IL1R1: variants seen among roughly 807,000 people sequenced by gnomAD.
IL1R1 encodes interleukin-1 receptor type 1.
Under a neutral mutation model 50.2 loss-of-function variants are expected in IL1R1, and 22 were observed. The ratio of observed to expected loss-of-function variants is 0.44; its 90% CI spans 0.31 to 0.63. The LOEUF (loss-of-function observed/expected upper bound fraction) is 0.63, where lower values mean the gene tolerates loss of function less well. Ranked by LOEUF, IL1R1 falls within the 20% of genes least tolerant of loss-of-function variation. The pLI is 0.07. For synonymous variants in IL1R1, 251 were observed against 236.7 expected, an observed-to-expected ratio of 1.06 and a Z score of -0.55; for missense variants, 509 against 676.2, an observed-to-expected ratio of 0.75 and a Z score of 2.74.
chr2:102,137,062 G>A (rs950107277), intron 1 of IL1R1, among the ~76,000 whole-genome samples: 3 of 152,140 alleles, frequency 2.0e-5, no homozygotes, highest in African/African-American at 7.2e-5. Context: ...CCATCTCATA[G>A]CTCTCAGCTT....
At chr2:102,091,287 C>A (rs1679656018) in intron 1 of IL1R1, among the ~76,000 whole-genome samples, 1 of 152,148 alleles carries the variant, frequency 6.6e-6, no homozygotes, top group South Asian at 2.1e-4. Context: ...TTAACAGCAT[C>A]TTGGATAGCC....
chr2:102,127,677 G>A (rs1681797722), intron 1 of IL1R1, among the ~76,000 whole-genome samples: 3 of 151,708 alleles, frequency 2.0e-5, no homozygotes, highest in Non-Finnish European at 4.4e-5. Context: ...GTGTGTGTGT[G>A]TGTGTGTGTG....
chr2:102,117,099 A>G (rs1317155852), intron 1 of IL1R1, among the ~76,000 whole-genome samples: 1 of 152,218 alleles, frequency 6.6e-6, no homozygotes, highest in Non-Finnish European at 1.5e-5. Context: ...ACACCATCTC[A>G]TGTTTATCCT....
intron 1 of IL1R1, among the ~76,000 whole-genome samples, chr2:102,073,792 A>C (rs1678843401): frequency 6.6e-6 from 1 of 152,158 alleles, no homozygotes; most frequent in African/African-American, 2.4e-5. Context: ...CAAATCTCTA[A>C]GCTCAAAGAA....
rs753616565 is a variant in IL1R1 at position 102,176,594 on chromosome 2, G to C, written c.1545G>C (p.Trp515Cys). The C allele has an allele frequency of 9.3e-6, 15 of 1,614,064 alleles. No homozygotes were observed. The Admixed American group carries it at 2.5e-4, about 27-fold the overall frequency. Residue 515 changes from tryptophan (W) to cysteine (C), a missense_variant, in exon 12 of 12, where the codon TGG (tryptophan) becomes TGC (cysteine). Transcript: ENST00000410023. The stretch of plus-strand genomic sequence containing the variant: ...AGCAGAAACATGGGGCTATCCGCTG[G>C]TCAGGGGACTTTACACAGGGACCAC... ...FIKQKHGAIR[W>C]SGDFTQGPQS...
chr2:102,086,080 C>G (rs968606212), intron 1 of IL1R1, among the ~76,000 whole-genome samples: 1 of 152,140 alleles, frequency 6.6e-6, no homozygotes, highest in Non-Finnish European at 1.5e-5. Context: ...TAATATTGAC[C>G]TTTTATCCAC....
At chr2:102,103,990 GA>G (rs72041212), upstream of IL1R1, among the ~76,000 whole-genome samples, 471 of 83,956 alleles carry the variant, frequency 5.6e-3, no homozygotes, top group Non-Finnish European at 6.4e-3. Flanking sequence ...GACTGTCTCA[GA>G]AAAAAAAAAA....
At chr2:102,095,780 G>A (rs1460781279) in intron 1 of IL1R1, among the ~76,000 whole-genome samples, 7 of 152,154 alleles carry the variant, frequency 4.6e-5, no homozygotes, top group African/African-American at 7.2e-5. Flanking sequence ...CGAGGCGGGC[G>A]GATCATGAGG....
chr2:102,081,221 A>G (rs1369651581), intron 1 of IL1R1, among the ~76,000 whole-genome samples: 1 of 152,180 alleles, frequency 6.6e-6, no homozygotes, highest in African/African-American at 2.4e-5. Flanking sequence ...TGTGAATGAC[A>G]TCTCAATAAA....
chr2:102,141,005 A>G (rs1006156717), upstream of IL1R1, among the ~76,000 whole-genome samples: 2 of 152,250 alleles, frequency 1.3e-5, no homozygotes, highest in African/African-American at 2.4e-5. Flanking sequence ...TGGTTGCACA[A>G]ATCAATTTCA....
At chr2:102,108,688 C>T (rs1165892503) in intron 1 of IL1R1, among the ~76,000 whole-genome samples, 3 of 151,806 alleles carry the variant, frequency 2.0e-5, no homozygotes, top group South Asian at 2.1e-4. Context: ...TTATTTATTT[C>T]GTTTAGTTTG....
At chr2:102,105,372 T>G (rs1360176003) in intron 1 of IL1R1, among the ~76,000 whole-genome samples, 3 of 152,184 alleles carry the variant, frequency 2.0e-5, no homozygotes, top group Non-Finnish European at 1.5e-5. Flanking sequence ...AATTTATTTT[T>G]TATTTTGTTT....
At chr2:102,072,833 T>C (rs1163653097) in intron 1 of IL1R1, among the ~76,000 whole-genome samples, 2 of 152,196 alleles carry the variant, frequency 1.3e-5, no homozygotes, top group East Asian at 3.8e-4. Flanking sequence ...CTATGAGAAA[T>C]TTTCCTTTAC....
chr2:102,089,926 C>T (rs1367976319), intron 1 of IL1R1, among the ~76,000 whole-genome samples: 16 of 151,150 alleles, frequency 1.1e-4, no homozygotes, highest in Admixed American at 2.6e-4. Flanking sequence ...CTCCACCTCC[C>T]GGGTTCACGC....
chr2:102,176,773 C>T lies in IL1R1; in HGVS notation c.*14C>T. On this transcript the variant is annotated 3_prime_UTR_variant, in exon 12 of 12. Transcript: ENST00000410023. ...CCTCTCGGGTAGCATGGAGAAGTTGCCAAGAGTTCTTTAGGTGCCTCCTGT... is the reference window on the plus strand; with the variant it reads ...CCTCTCGGGTAGCATGGAGAAGTTGTCAAGAGTTCTTTAGGTGCCTCCTGT... 6.2e-7 allele frequency: 1 copy of T among 1,610,104 alleles called. No individual in the cohort carries two copies. The highest frequency in any genetic ancestry group is 8.5e-7 in the Non-Finnish European group (1 of 1,177,198).
intron 1 of IL1R1, among the ~76,000 whole-genome samples, chr2:102,147,149 G>A (rs1454587023): frequency 6.6e-6 from 1 of 152,196 alleles, no homozygotes; most frequent in African/African-American, 2.4e-5. Flanking sequence ...ACTTTGAGGG[G>A]TGGCAGAAAT....
chr2:102,089,015 C>T (rs76430351), intron 1 of IL1R1, among the ~76,000 whole-genome samples: 3,725 of 152,290 alleles, frequency 0.024, 158 homozygotes, highest in African/African-American at 0.085. Flanking sequence ...CTATTATTGA[C>T]ACTACTGAAA....
At chr2:102,107,294 A>G (rs964950173) in intron 1 of IL1R1, among the ~76,000 whole-genome samples, 1 of 152,164 alleles carries the variant, frequency 6.6e-6, no homozygotes, top group Non-Finnish European at 1.5e-5. Context: ...CATATACACC[A>G]TGGAATACTA....
chr2:102,137,798 T>C (rs2104430212), upstream of IL1R1, among the ~76,000 whole-genome samples: 1 of 152,342 alleles, frequency 6.6e-6, no homozygotes, highest in South Asian at 2.1e-4. Context: ...ATCTTTAGTT[T>C]ACCACATTGA....
Sources: gnomAD v4.1 joint callset for allele counts (sites outside exome capture counted in the v4.1 genomes callset) on GRCh38, gnomAD v4.1.1 for gene constraint, MANE v1.5 for transcripts, NCBI Gene and HGNC (gene_info 2026-07-23, HGNC 2026-07-21) for gene names.